Variants in RAB11FIP5 observed in about 807,000 individuals in gnomAD.
The protein encoded by RAB11FIP5 is RAB11 family interacting protein 5.
RAB11FIP5 carries 48 observed loss-of-function variants against 85.1 expected under a neutral mutation model. The observed-to-expected ratio is 0.56, with a 90% CI of 0.45 to 0.72. The LOEUF (loss-of-function observed/expected upper bound fraction) is 0.72, where lower values mean the gene tolerates loss of function less well. RAB11FIP5 is among the 30% of genes least tolerant of loss of function. RAB11FIP5 has a pLI of 0.00. For missense variants in RAB11FIP5, 1,491 were observed against 1,687.0 expected (o/e 0.88, Z 2.04); for synonymous variants, 729 against 727.3 (o/e 1.00, Z -0.04).
intron 1 of RAB11FIP5, among the ~76,000 whole-genome samples, chr2:73,094,506 C>T (rs1684281163): frequency 6.6e-6 from 1 of 152,316 alleles, no homozygotes; most frequent in Admixed American, 6.5e-5. Context: ...TATAAATCCA[C>T]CCAAGACGCC....
rs942595887 is a variant in RAB11FIP5 at position 73,088,531 on chromosome 2, G to C, written c.1087C>G (p.Pro363Ala). 6 of 1,613,996 alleles carry C rather than the reference G, an allele frequency of 3.7e-6. No individual in the cohort carries two copies. Among genetic ancestry groups the C allele is most frequent in the Non-Finnish European group, 5.1e-6 (6 of 1,180,058 alleles). Residue 363 changes from proline (P) to alanine (A), a missense_variant, in exon 3 of 6, where the codon CCA becomes GCA. Physicochemically the swap from Pro to Ala is conservative, Grantham distance 27 (BLOSUM62 -1). Transcript: ENST00000486777. ...ACAGCTTGCAAGGAGCCAGAGGATGGAAGCGAGCCCGAGATGGAGCTGCGG... is the reference window on the plus strand; with the variant it reads ...ACAGCTTGCAAGGAGCCAGAGGATGCAAGCGAGCCCGAGATGGAGCTGCGG... ...RHRSSISGSL[P>A]SSGSLQAVSS...
intron 3 of RAB11FIP5, among the ~76,000 whole-genome samples, chr2:73,087,687 A>G (rs751216112): frequency 2.7e-4 from 41 of 152,200 alleles, no homozygotes; most frequent in Non-Finnish European, 5.3e-4. Flanking sequence ...AGGCTTCCTT[A>G]CCTTGAGGCC....
Position 73,075,724 on chromosome 2 carries a change from C to T in RAB11FIP5, c.3772G>A (p.Asp1258Asn), listed in dbSNP as rs1247463682. ...GQMVDTKRLK[D>N]SAVLDQSAKY... is the part of the protein sequence containing the mutation. ...GCCGACTGGTCCAGCACAGCTGAGTCCTGAGGCCGGACCGAAGACAGTGAG... is the reference window on the plus strand; with the variant it reads ...GCCGACTGGTCCAGCACAGCTGAGTTCTGAGGCCGGACCGAAGACAGTGAG... Residue 1258 changes from aspartate (D) to asparagine (N), a missense_variant and splice_region_variant, in exon 6 of 6, where the codon GAC (aspartate) becomes AAC (asparagine). This residue lies in a region of RAB11FIP5 where 232 missense variants were observed against 259.1 expected (regional missense o/e 0.90). Coordinates refer to ENST00000486777, the MANE Select transcript of RAB11FIP5 (RefSeq NM_001371272.1). The surrounding 1 kb of genome is among the most constrained non-coding windows in gnomAD (Gnocchi z 4.6). 6.9e-6 allele frequency: 11 copies of T among 1,597,080 alleles called. No homozygotes were observed. Among genetic ancestry groups the T allele is most frequent in the Non-Finnish European group, 9.4e-6 (11 of 1,170,342 alleles).
Position 73,088,697 on chromosome 2 carries a change from G to C in RAB11FIP5, c.921C>G (p.Ser307Arg), listed in dbSNP as rs753924018. 1 of 1,612,262 alleles carries C rather than the reference G, an allele frequency of 6.2e-7. No individual in the cohort carries two copies. The highest frequency in any genetic ancestry group is 8.5e-7 in the Non-Finnish European group (1 of 1,179,692). Reference protein sequence around the residue: ...PKLFTHKRTYSDEANQMRVAP... With the variant: ...PKLFTHKRTYRDEANQMRVAP... The stretch of plus-strand genomic sequence containing the variant: ...CCACTCGCATCTGGTTGGCCTCATC[G>C]CTGTAGGTCCTCTTATGGGTGAACA... The change falls in exon 3 of 6, where the codon AGC becomes AGG. Residue 307 changes from serine (S) to arginine (R), a missense_variant. Transcript: ENST00000486777.
chr2:73,102,540 G>A (rs2106121585), intron 1 of RAB11FIP5, among the ~76,000 whole-genome samples: 1 of 152,306 alleles, frequency 6.6e-6, no homozygotes, highest in South Asian at 2.1e-4. Flanking sequence ...GGGGAAGGTA[G>A]GAGAGCCAGG....
chr2:73,081,519 G>A lies in RAB11FIP5; in HGVS notation c.1713C>T (p.Pro571=), dbSNP rs945495558. Reference sequence around the variant, plus strand: ...CGGCAGCGGCAGCAGTGGCAGCAGCGGGGGAGGCGGCTGCAAAAAGGTTAG... The same window carrying A: ...CGGCAGCGGCAGCAGTGGCAGCAGCAGGGGAGGCGGCTGCAAAAAGGTTAG... ...LSTNLFAAAS[P]AAATAAAAAT... is the part of the protein sequence containing the mutation. The change falls in exon 4 of 6, where the codon CCC becomes CCT. Residue 571 remains proline, a synonymous_variant. Transcript: ENST00000486777. The surrounding 1 kb of genome is among the most constrained non-coding windows in gnomAD (Gnocchi z 4.2). The A allele has an allele frequency of 2.1e-4, 256 of 1,227,294 alleles. No homozygotes were observed. The highest frequency in any genetic ancestry group is 2.5e-4 in the Non-Finnish European group (242 of 983,192). 76.0% of individuals were successfully genotyped at this position (1,227,294 alleles called of 1,614,324 possible). A position where few individuals can be genotyped will look rare whatever the true frequency, so the allele number is the denominator to read the frequency against.
rs150071662 is a variant in RAB11FIP5 at position 73,085,014 on chromosome 2, C to A, written c.1568+3036G>T. The stretch of plus-strand genomic sequence containing the variant: ...CCTTGTAAGCTGTAAGTAGGGAGAA[C>A]GTATCATTTATCTTCCAAACCAGAA... On this transcript the variant is annotated intron_variant, in intron 3 of 5. Transcript: ENST00000486777. Among the ~76,000 whole-genome samples, 197 of 152,264 alleles carry A rather than the reference C, an allele frequency of 1.3e-3. 1 individual carries two copies. The highest frequency in any genetic ancestry group is 4.4e-3 in the African/African-American group (182 of 41,558).
chr2:73,079,427 G>C (rs1683923715), intron 4 of RAB11FIP5, among the ~76,000 whole-genome samples: 1 of 152,176 alleles, frequency 6.6e-6, no homozygotes, highest in Non-Finnish European at 1.5e-5. Flanking sequence ...TGGCTTGTGG[G>C]GGGCTGCCTT....
At chr2:73,100,680 C>G (rs1350153400) in intron 1 of RAB11FIP5, among the ~76,000 whole-genome samples, 1 of 152,148 alleles carries the variant, frequency 6.6e-6, no homozygotes. Flanking sequence ...TCTGCCTCGG[C>G]TTCCCAAAGT....
At chr2:73,090,475 T>C (rs1044038417) in intron 1 of RAB11FIP5, among the ~76,000 whole-genome samples, 2 of 152,202 alleles carry the variant, frequency 1.3e-5, no homozygotes, top group African/African-American at 2.4e-5. Context: ...CTGTTCATGA[T>C]TGCCAAAACT....
At chr2:73,105,581 C>G (rs1238638211) in intron 1 of RAB11FIP5, among the ~76,000 whole-genome samples, 1 of 152,010 alleles carries the variant, frequency 6.6e-6, no homozygotes, top group Admixed American at 6.6e-5. Context: ...GGCAGTGACT[C>G]CCTCCCAAAG....
At chr2:73,112,285 C>T in intron 1 of RAB11FIP5, 62 bp downstream of exon 1, 1 of 1,417,350 alleles carries the variant, frequency 7.1e-7, no homozygotes, top group East Asian at 2.8e-5. Context: ...GGTCCTGATC[C>T]CCCACCAGCC....
chr2:73,101,623 G>T (rs544540069), intron 1 of RAB11FIP5, among the ~76,000 whole-genome samples: 2 of 152,168 alleles, frequency 1.3e-5, no homozygotes, highest in Non-Finnish European at 2.9e-5. Flanking sequence ...GTCAGAGCGT[G>T]TCTTGGGCCA....
Position 73,075,475 on chromosome 2 carries a change from C to G in RAB11FIP5, c.*46G>C. The stretch of plus-strand genomic sequence containing the variant: ...AGAGTTCAGGAGGAGAGAGGGCAGG[C>G]AGCAATAGGTCCATGCCAACCCTCC... On this transcript the variant is annotated 3_prime_UTR_variant, in exon 6 of 6. Coordinates refer to ENST00000486777, the MANE Select transcript of RAB11FIP5 (RefSeq NM_001371272.1). This position sits in a 1 kb window ranked among gnomAD's most constrained non-coding sequence, Gnocchi z 4.6. 6.4e-7 allele frequency: 1 copy of G among 1,568,514 alleles called. No homozygotes were observed. Among genetic ancestry groups the G allele is most frequent in the Non-Finnish European group, 8.8e-7 (1 of 1,138,412 alleles).
At chr2:73,101,036 G>C (rs1006452088) in intron 1 of RAB11FIP5, among the ~76,000 whole-genome samples, 6 of 142,974 alleles carry the variant, frequency 4.2e-5, no homozygotes, top group African/African-American at 1.5e-4. Context: ...AAGGTTGGTG[G>C]TGGGGTGGGG....
In RAB11FIP5 at chr2:73,075,390, C is replaced by T; in HGVS notation, c.*131G>A. 1 of 955,556 alleles carries T rather than the reference C, an allele frequency of 1.0e-6. No individual in the cohort carries two copies. The highest frequency in any genetic ancestry group is 1.3e-5 in the South Asian group (1 of 75,706). 59.2% of individuals were successfully genotyped at this position (955,556 alleles called of 1,614,324 possible). Reference sequence around the variant, plus strand: ...CCCCTTCCAGCAGCCCCAGTTGAGGCAGGAGGGAGAGGAGCAAGGAGTGAC... The same window carrying T: ...CCCCTTCCAGCAGCCCCAGTTGAGGTAGGAGGGAGAGGAGCAAGGAGTGAC... On this transcript the variant is annotated 3_prime_UTR_variant, in exon 6 of 6. Coordinates refer to ENST00000486777, the MANE Select transcript of RAB11FIP5 (RefSeq NM_001371272.1). The surrounding 1 kb of genome is among the most constrained non-coding windows in gnomAD (Gnocchi z 4.6).
chr2:73,111,113 G>A (rs904465740), intron 1 of RAB11FIP5, among the ~76,000 whole-genome samples: 2 of 152,036 alleles, frequency 1.3e-5, no homozygotes, highest in Admixed American at 6.6e-5. Context: ...AGGGGATGGG[G>A]AAATGGAGTC....
At chr2:73,106,899 C>T (rs1162910786) in intron 1 of RAB11FIP5, among the ~76,000 whole-genome samples, 2 of 152,074 alleles carry the variant, frequency 1.3e-5, no homozygotes, top group Non-Finnish European at 2.9e-5. Context: ...CCTGTGATAC[C>T]CCCTCCCCAC....
Position 73,088,542 on chromosome 2 carries a change from G to A in RAB11FIP5, c.1076C>T (p.Ser359Leu), listed in dbSNP as rs147128353. 259 of 1,613,942 alleles carry A rather than the reference G, an allele frequency of 1.6e-4. 1 individual carries two copies. In the Middle Eastern group the frequency reaches 2.0e-3, roughly 12 times the overall value. The change falls in exon 3 of 6, where the codon TCG becomes TTG. Residue 359 changes from serine to leucine, a missense_variant. Ser to Leu is a moderately radical substitution (Grantham distance 145). Around this residue, in one of 3 missense-constraint regions of RAB11FIP5, gnomAD observed 1,211 missense variants for 1,338.0 expected, o/e 0.91. Transcript: ENST00000486777. ...QGPVRHRSSI[S>L]GSLPSSGSLQ... ...GGAGCCAGAGGATGGAAGCGAGCCCGAGATGGAGCTGCGGTGCCGCACAGG... is the reference window on the plus strand; with the variant it reads ...GGAGCCAGAGGATGGAAGCGAGCCCAAGATGGAGCTGCGGTGCCGCACAGG...
Sources: gnomAD v4.1 joint callset for allele counts (sites outside exome capture counted in the v4.1 genomes callset) on GRCh38, gnomAD v4.1.1 for gene constraint, gnomAD v4.1.1 regional missense constraint, Gnocchi (gnomAD v3.1) non-coding constraint, MANE v1.5 for transcripts, NCBI Gene and HGNC (gene_info 2026-07-23, HGNC 2026-07-21) for gene names.